The following NOMO3 variants were observed in gnomAD, a reference collection of about 807,000 sequenced individuals.
NOMO3 encodes the protein NODAL modulator 3.
NOMO3 carries 15 observed loss-of-function variants against 69.9 expected under a neutral mutation model. The ratio of observed to expected loss-of-function variants is 0.21; its 90% CI spans 0.14 to 0.33. The LOEUF (loss-of-function observed/expected upper bound fraction) is 0.33, where lower values mean the gene tolerates loss of function less well. Among genes scored for constraint, NOMO3 ranks in the 10% least tolerant of loss-of-function variants. The pLI is 1.00. For missense variants in NOMO3, 218 were observed against 761.0 expected, an observed-to-expected ratio of 0.29 and a Z score of 8.39; for synonymous variants, 89 against 301.9, an observed-to-expected ratio of 0.29 and a Z score of 7.31.
chr16:16,236,760 C>T lies in NOMO3; in HGVS notation c.166-141C>T, dbSNP rs984035571. 12 of 680,496 alleles carry T rather than the reference C, an allele frequency of 1.8e-5. 1 individual carries two copies. In the Admixed American group the frequency reaches 2.9e-4, roughly 17 times the overall value. 42.2% of individuals were successfully genotyped at this position (680,496 alleles called of 1,614,324 possible). ...GAGAGTTTGTTGATTTCCCTCTGTC[C>T]CCAGTAATGCCCCGTGTTAAAAGCT... On this transcript the variant is annotated intron_variant, in intron 1 of 30. Coordinates refer to ENST00000399336, the MANE Select transcript of NOMO3 (RefSeq NM_001004067.4).
At chr16:16,244,552 C>G (rs2049402131) in intron 4 of NOMO3, among the ~76,000 whole-genome samples, 1 of 55,980 alleles carries the variant, frequency 1.8e-5, no homozygotes, top group South Asian at 7.7e-4. Flanking sequence ...GAGTCTCCCT[C>G]TGTCGCCCAG....
At chr16:16,268,835 T>G (rs2049640241) in intron 16 of NOMO3, among the ~76,000 whole-genome samples, 1 of 143,890 alleles carries the variant, frequency 6.9e-6, no homozygotes, top group Non-Finnish European at 1.5e-5. Flanking sequence ...AACTTATGTT[T>G]AAAGGAGGAA....
rs1435428957 is a variant in NOMO3 at position 16,258,322 on chromosome 16, C to G, written c.1220+2164C>G. Among the ~76,000 whole-genome samples the G allele has an allele frequency of 7.4e-4, 99 of 132,932 alleles. 16 individuals are homozygous for G. Among genetic ancestry groups the G allele is most frequent in the African/African-American group, 2.8e-3 (86 of 30,214 alleles). 87.2% of individuals were successfully genotyped at this position (132,932 alleles called of 152,430 possible). A position where few individuals can be genotyped will look rare whatever the true frequency, so the allele number is the denominator to read the frequency against. ...AGAGATCAGGGTGCTGCAAGAAGAG[C>G]TAATTTAGAGTGGGAGCTCTGCAAG... On this transcript the variant is annotated intron_variant, in intron 11 of 30. Coordinates refer to ENST00000399336, the MANE Select transcript of NOMO3 (RefSeq NM_001004067.4).
chr16:16,251,955 TG>T lies in NOMO3; in HGVS notation c.736-6del. On this transcript the variant is annotated splice_region_variant and splice_polypyrimidine_tract_variant and intron_variant, in intron 7 of 30. Coordinates refer to ENST00000399336, the MANE Select transcript of NOMO3 (RefSeq NM_001004067.4). ...AGGAAGTCTTGTCTTTTTTACCCCC[TG>T]GCATAGGATGTCCTGGGCTGCAATG... is the stretch of plus-strand genomic sequence containing the variant. The T allele has an allele frequency of 7.7e-7, 1 of 1,292,876 alleles. No homozygotes were observed. Among genetic ancestry groups the T allele is most frequent in the East Asian group, 2.7e-5 (1 of 37,148 alleles). The allele number at this position is 1,292,876 out of a possible 1,614,324, so 80.1% of individuals were successfully genotyped here.
intron 12 of NOMO3, among the ~76,000 whole-genome samples, chr16:16,262,709 T>C (rs1567565061): frequency 7.3e-6 from 1 of 137,528 alleles, no homozygotes; most frequent in Non-Finnish European, 1.5e-5. Context: ...ATCCACATAG[T>C]GTTGACAGGT....
chr16:16,241,315 T>C (rs8047960), intron 3 of NOMO3, among the ~76,000 whole-genome samples: 5,712 of 142,628 alleles, frequency 0.04, 804 homozygotes, highest in African/African-American at 0.15. Flanking sequence ...TTATGAACTT[T>C]ATCTGTATCA....
At chr16:16,260,361 T>G (rs570862444) in intron 11 of NOMO3, among the ~76,000 whole-genome samples, 1 of 140,804 alleles carries the variant, frequency 7.1e-6, no homozygotes, top group Non-Finnish European at 1.5e-5. Context: ...CACTTAAGAG[T>G]GTAAAATTCT....
At position 16,255,753 on chromosome 16, in the gene NOMO3, G is replaced by A. The variant is rs376970177; in HGVS notation, c.997G>A (p.Gly333Arg). ...CCACGTCATGGGATTCTCCGTCACC[G>A]GGAGGGTCTTGAACGGACCCGAAGG... ...VFHVMGFSVT[G>R]RVLNGPEGDG... The change falls in exon 10 of 31, where the codon GGG becomes AGG. Residue 333 changes from glycine to arginine, a missense_variant. Physicochemically the swap from Gly to Arg is moderately radical, Grantham distance 125 (BLOSUM62 -2). Coordinates refer to ENST00000399336, the MANE Select transcript of NOMO3 (RefSeq NM_001004067.4). 2.7e-5 allele frequency: 43 copies of A among 1,586,032 alleles called. 2 individuals carry two copies. The highest frequency in any genetic ancestry group is 7.9e-5 in the South Asian group (7 of 89,072).
At chr16:16,248,387 G>C (rs1210894196) in intron 6 of NOMO3, among the ~76,000 whole-genome samples, 1 of 127,688 alleles carries the variant, frequency 7.8e-6, no homozygotes, top group Non-Finnish European at 1.6e-5. Flanking sequence ...CACTCGGCCA[G>C]ATACAGTCTT....
chr16:16,267,655 A>G (rs909833494), intron 16 of NOMO3, among the ~76,000 whole-genome samples: 3 of 139,570 alleles, frequency 2.1e-5, no homozygotes, highest in African/African-American at 9.0e-5. Context: ...GCTGGTCTCA[A>G]ACTCCTGACC....
intron 9 of NOMO3, among the ~76,000 whole-genome samples, chr16:16,254,647 G>A (rs1407514046): frequency 2.1e-5 from 3 of 143,246 alleles, no homozygotes; most frequent in Non-Finnish European, 4.4e-5. Flanking sequence ...GACAGAAAAA[G>A]TCCCTGTCTC....
At chr16:16,235,474 G>T (rs2049318988) in intron 1 of NOMO3, among the ~76,000 whole-genome samples, 1 of 148,798 alleles carries the variant, frequency 6.7e-6, no homozygotes, top group African/African-American at 2.6e-5. Flanking sequence ...TTCAGAGAGA[G>T]ATATTAAATA....
At chr16:16,235,864 T>C (rs2049322027) in intron 1 of NOMO3, 1 of 443,126 alleles carries the variant, frequency 2.3e-6, no homozygotes, top group Non-Finnish European at 4.4e-6. Flanking sequence ...TATGCATTGA[T>C]GTGAATCTGT....
At chr16:16,237,628 A>G (rs773949294) in intron 2 of NOMO3, among the ~76,000 whole-genome samples, 7 of 141,380 alleles carry the variant, frequency 5.0e-5, no homozygotes, top group Non-Finnish European at 1.0e-4. Context: ...GCCTCACTCC[A>G]ACCTCCACCC....
At position 16,240,498 on chromosome 16, in the gene NOMO3, G is replaced by T. The variant is rs566235674; in HGVS notation, c.301+602G>T. 9.5e-4 allele frequency among the ~76,000 whole-genome samples: 138 copies of T among 145,658 alleles called. 26 individuals carry two copies. The East Asian group carries it at 0.023, about 24-fold the overall frequency. On this transcript the variant is annotated intron_variant, in intron 3 of 30. Transcript: ENST00000399336. ...ACTGAGTGTTCAGAGGGGCTGGCAC[G>T]TAATTAGCAAGTACTCAGTATTCAG...
Position 16,256,051 on chromosome 16 carries a change from C to T in NOMO3, c.1113C>T (p.Thr371=), listed in dbSNP as rs776384644. 6 of 1,583,388 alleles carry T rather than the reference C, an allele frequency of 3.8e-6. 1 individual carries two copies. Among genetic ancestry groups the T allele is most frequent in the Admixed American group, 3.4e-5 (2 of 58,100 alleles). ...ADGSFRLENI[T]TGTYTIHAQK... ...GCTCATTCCGCCTTGAGAACATAAC[C>T]ACAGGGACATACACCATCCATGCTC... is the stretch of plus-strand genomic sequence containing the variant. Residue 371 remains threonine (T), a synonymous_variant, in exon 11 of 31, where the codon ACC becomes ACT. Transcript: ENST00000399336.
At chr16:16,242,201 T>TTG (rs71276168) in intron 3 of NOMO3, among the ~76,000 whole-genome samples, 3,233 of 99,212 alleles carry the variant, frequency 0.033, 142 homozygotes, top group African/African-American at 0.043. Flanking sequence ...ATTGGAGTCT[T>TTG]TGTGTGTGTG....
intron 1 of NOMO3, among the ~76,000 whole-genome samples, chr16:16,235,295 T>C (rs2049317913): frequency 6.6e-6 from 1 of 150,564 alleles, no homozygotes; most frequent in Non-Finnish European, 1.5e-5. Context: ...TTCATGGTCA[T>C]AGAGCATTAA....
Position 16,266,060 on chromosome 16 carries a change from C to T in NOMO3, c.1806+881C>T, listed in dbSNP as rs1204291606. On this transcript the variant is annotated intron_variant, in intron 15 of 30. Transcript: ENST00000399336. ...AAACAGGATCTTAGCTTCTTGTTGA[C>T]TGTGGTCTCTGTGGCCTGAAAGGCA... 1.1e-3 allele frequency among the ~76,000 whole-genome samples: 151 copies of T among 139,514 alleles called. 3 individuals are homozygous for T. Among genetic ancestry groups the T allele is most frequent in the African/African-American group, 3.9e-3 (124 of 32,196 alleles). The allele number at this position is 139,514 out of a possible 152,430, so 91.5% of individuals were successfully genotyped here. A position where few individuals can be genotyped will look rare whatever the true frequency, so the allele number is the denominator to read the frequency against.
Sources: gnomAD v4.1 joint callset for allele counts (sites outside exome capture counted in the v4.1 genomes callset) on GRCh38, gnomAD v4.1.1 for gene constraint, MANE v1.5 for transcripts, NCBI Gene and HGNC (gene_info 2026-07-23, HGNC 2026-07-21) for gene names.